RBFOX3: variants seen among roughly 807,000 people sequenced by gnomAD.
RBFOX3 encodes RNA binding protein fox-1 homolog 3.
A neutral mutation model predicts 48.7 loss-of-function variants in RBFOX3; 17 were observed. The observed-to-expected ratio is 0.35, with a 90% CI of 0.24 to 0.52. The LOEUF (loss-of-function observed/expected upper bound fraction) is 0.52, where lower values mean the gene tolerates loss of function less well. Among genes scored for constraint, RBFOX3 ranks in the 20% least tolerant of loss-of-function variants. The probability of loss-of-function intolerance (pLI) is 0.94; values close to 1 mark genes in which losing one functional copy is unlikely to be tolerated. For synonymous variants in RBFOX3, 212 were observed against 209.5 expected (o/e 1.01, Z -0.10); for missense variants, 382 against 497.5 (o/e 0.77, Z 2.21).
At chr17:79,620,253 A>G in the RBFOX3 span, among the ~76,000 whole-genome samples, 1 of 150,062 alleles carries the variant, frequency 6.7e-6, no homozygotes, top group African/African-American at 2.5e-5. Context: ...ACATACGCAC[A>G]TGCACACACA....
chr17:79,567,090 C>T (rs1192862337), intron 1 of RBFOX3, among the ~76,000 whole-genome samples: 3 of 152,116 alleles, frequency 2.0e-5, no homozygotes, highest in Non-Finnish European at 2.9e-5. Flanking sequence ...CCTTCCCAGC[C>T]TCAGAATCCT....
chr17:79,299,669 T>G lies in RBFOX3; in HGVS notation c.-74+8055A>C, dbSNP rs2074995810. Among the ~76,000 whole-genome samples, 1 of 152,184 alleles carries G rather than the reference T, an allele frequency of 6.6e-6. No individual in the cohort carries two copies. The highest frequency in any genetic ancestry group is 2.1e-4 in the South Asian group (1 of 4,826). On this transcript the variant is annotated intron_variant, in intron 3 of 14. Coordinates refer to ENST00000693108, the MANE Select transcript of RBFOX3 (RefSeq NM_001350451.2). This position sits in a 1 kb window ranked among gnomAD's most constrained non-coding sequence, Gnocchi z 4.5. ...CAACGGACAACTGTGTTTAGAGATA[T>G]GGACTTTGAAGGGGTAATTTGGTTA...
intron 3 of RBFOX3, among the ~76,000 whole-genome samples, chr17:79,277,666 A>G (rs925028567): frequency 4.6e-5 from 7 of 152,070 alleles, no homozygotes; most frequent in African/African-American, 1.7e-4. Flanking sequence ...GGGCCTTGAA[A>G]ACTCCACTGG....
chr17:79,379,409 G>A (rs919224087), intron 2 of RBFOX3, among the ~76,000 whole-genome samples: 5 of 152,204 alleles, frequency 3.3e-5, no homozygotes, highest in African/African-American at 4.8e-5. Flanking sequence ...ATTCTACCCC[G>A]TTTTCGTTTT....
chr17:79,118,409 G>A (rs1431358977), intron 4 of RBFOX3, among the ~76,000 whole-genome samples: 3 of 152,160 alleles, frequency 2.0e-5, no homozygotes, highest in Admixed American at 6.5e-5. Flanking sequence ...TGTTGGTGAC[G>A]GAGTCCAGTG....
chr17:79,148,376 G>A (rs1305556463), intron 4 of RBFOX3, among the ~76,000 whole-genome samples: 1 of 152,192 alleles, frequency 6.6e-6, no homozygotes, highest in Non-Finnish European at 1.5e-5. Context: ...GCTCAAACAT[G>A]CCCTGTGCCC....
chr17:79,410,920 C>A (rs942893568), intron 2 of RBFOX3, among the ~76,000 whole-genome samples: 2 of 152,152 alleles, frequency 1.3e-5, no homozygotes, highest in Non-Finnish European at 2.9e-5. Context: ...GGCTGGGGAA[C>A]GAGCTGGCAC....
At chr17:79,324,885 C>T (rs965669535) in intron 2 of RBFOX3, among the ~76,000 whole-genome samples, 3 of 152,218 alleles carry the variant, frequency 2.0e-5, no homozygotes, top group African/African-American at 7.2e-5. Context: ...TGAAATATTG[C>T]CCACAGTCCA....
rs556837251 is a variant in RBFOX3, at chr17:79,175,199, T to C, written c.-33-59451A>G. 2.0e-5 allele frequency among the ~76,000 whole-genome samples: 3 copies of C among 152,340 alleles called. No homozygotes were observed. In the East Asian group the frequency reaches 5.8e-4, roughly 29 times the overall value. On this transcript the variant is annotated intron_variant, in intron 4 of 14. Transcript: ENST00000693108. ...TACCTGGCGATGGCCAAAGGACACA[T>C]GGCTGAACAGCGCTTGGGCAGCATG...
chr17:79,544,203 C>T (rs1277430161), intron 1 of RBFOX3, among the ~76,000 whole-genome samples: 2 of 152,166 alleles, frequency 1.3e-5, no homozygotes, highest in Non-Finnish European at 2.9e-5. Context: ...ACTGGCCGGT[C>T]ACTGTCTCAG....
At chr17:79,104,484 G>T (rs1307759211) in intron 6 of RBFOX3, among the ~76,000 whole-genome samples, 3 of 152,016 alleles carry the variant, frequency 2.0e-5, no homozygotes, top group African/African-American at 7.2e-5. Context: ...CTGGGCATGG[G>T]GGTAGGCACA....
At chr17:79,339,702 C>T (rs1386129155) in intron 2 of RBFOX3, among the ~76,000 whole-genome samples, 5 of 152,176 alleles carry the variant, frequency 3.3e-5, no homozygotes, top group Admixed American at 6.5e-5. Flanking sequence ...GACGATAACT[C>T]GGGCTGGCAC....
chr17:79,647,328 T>C, the RBFOX3 span, among the ~76,000 whole-genome samples: 1 of 152,066 alleles, frequency 6.6e-6, no homozygotes, highest in Non-Finnish European at 1.5e-5. Context: ...CTCTCTCCCA[T>C]AGCCTCCAGT....
At chr17:79,507,337 G>A (rs1598981382) in intron 1 of RBFOX3, among the ~76,000 whole-genome samples, 1 of 152,158 alleles carries the variant, frequency 6.6e-6, no homozygotes, top group Admixed American at 6.5e-5. Flanking sequence ...TCTCCTCTCA[G>A]CAGTATAGGC....
At chr17:79,287,606 T>C (rs1331712941) in intron 3 of RBFOX3, among the ~76,000 whole-genome samples, 2 of 152,178 alleles carry the variant, frequency 1.3e-5, no homozygotes, top group Non-Finnish European at 2.9e-5. Flanking sequence ...AACAGGCAGC[T>C]GGGCCAGGCC....
chr17:79,242,235 G>T lies in RBFOX3; in HGVS notation c.-73-6430C>A, dbSNP rs140406738. ...GGTGCTACCTGAGGAGCCCCGGGGT[G>T]GGGGGCAGGCCGTATGGAGGGTCCT... On this transcript the variant is annotated intron_variant, in intron 3 of 14. Transcript: ENST00000693108. The surrounding 1 kb of genome is among the most constrained non-coding windows in gnomAD (Gnocchi z 5.8). Among the ~76,000 whole-genome samples, 5 of 152,078 alleles carry T rather than the reference G, an allele frequency of 3.3e-5. No homozygotes were observed. Among genetic ancestry groups the T allele is most frequent in the South Asian group, 2.1e-4 (1 of 4,816 alleles).
chr17:79,138,604 CCA>C (rs894530144), intron 4 of RBFOX3, among the ~76,000 whole-genome samples: 18 of 148,876 alleles, frequency 1.2e-4, no homozygotes, highest in Non-Finnish European at 2.2e-4. Flanking sequence ...AACCCCTCAC[CCA>C]CACACACATA....
intron 4 of RBFOX3, among the ~76,000 whole-genome samples, chr17:79,182,595 C>T (rs536515411): frequency 2.5e-4 from 38 of 151,876 alleles, no homozygotes; most frequent in Admixed American, 3.9e-4. Context: ...CACCTCCCCA[C>T]GGGGCATCCT....
chr17:79,566,380 T>G (rs1373148718), intron 1 of RBFOX3, among the ~76,000 whole-genome samples: 1 of 152,162 alleles, frequency 6.6e-6, no homozygotes, highest in Non-Finnish European at 1.5e-5. Context: ...AGCTCCGTCC[T>G]TCATCACCAT....
Sources: allele counts gnomAD v4.1 joint callset (sites outside exome capture counted in the v4.1 genomes callset), GRCh38; gene constraint gnomAD v4.1.1; non-coding constraint Gnocchi (gnomAD v3.1); transcripts MANE v1.5; gene names NCBI Gene and HGNC (gene_info 2026-07-23, HGNC 2026-07-21).